The following CDKL3 variants were observed in gnomAD, a reference collection of about 807,000 sequenced individuals.
CDKL3 encodes cyclin dependent kinase like 3.
CDKL3 carries 65 observed loss-of-function variants against 69.3 expected under a neutral mutation model. The ratio of observed to expected loss-of-function variants is 0.94; its 90% CI spans 0.77 to 1.15. The LOEUF is 1.15. Ranked by LOEUF, CDKL3 falls within the 50% of genes most tolerant of loss-of-function variation. The pLI is 0.00. For missense variants in CDKL3, 652 were observed against 689.2 expected (o/e 0.95, Z 0.61); for synonymous variants, 202 against 221.6 (o/e 0.91, Z 0.79).
intron 4 of CDKL3, among the ~76,000 whole-genome samples, chr5:134,348,665 C>T (rs1219393310): frequency 6.6e-6 from 1 of 151,832 alleles, no homozygotes; most frequent in Non-Finnish European, 1.5e-5. Flanking sequence ...AAGATGTCAA[C>T]TAGGATTGGG....
chr5:134,335,366 T>C (rs575808414), intron 4 of CDKL3, among the ~76,000 whole-genome samples: 1 of 152,326 alleles, frequency 6.6e-6, no homozygotes, highest in African/African-American at 2.4e-5. Flanking sequence ...TCTGTCATTA[T>C]GATGCTAGCT....
intron 3 of CDKL3, among the ~76,000 whole-genome samples, chr5:134,355,235 GAA>G (rs60153337): frequency 5.1e-4 from 38 of 74,460 alleles, no homozygotes; most frequent in African/African-American, 6.6e-4. Flanking sequence ...TCTGTCTCAG[GAA>G]AAAAAAAAAA....
intron 7 of CDKL3, among the ~76,000 whole-genome samples, chr5:134,309,229 T>G (rs1382892857): frequency 6.6e-6 from 1 of 152,112 alleles, no homozygotes; most frequent in Non-Finnish European, 1.5e-5. Flanking sequence ...ATTACAGGCA[T>G]GTGCCACCAC....
chr5:134,359,874 T>C (rs772242311), intron 3 of CDKL3, 23 bp downstream of exon 3: 4 of 1,474,524 alleles, frequency 2.7e-6, no homozygotes, highest in East Asian at 2.4e-5. Context: ...ATCCTACAAA[T>C]TGGCTTATTC....
At chr5:134,329,957 G>A (rs1775363134) in intron 4 of CDKL3, among the ~76,000 whole-genome samples, 2 of 151,038 alleles carry the variant, frequency 1.3e-5, no homozygotes, top group South Asian at 2.1e-4. Flanking sequence ...TTGCAGTGAG[G>A]TGAGATCGCG....
chr5:134,312,480 G>A, intron 6 of CDKL3, 100 bp from the exon 7 acceptor site: 2 of 637,072 alleles, frequency 3.1e-6, no homozygotes, highest in South Asian at 4.6e-5. Context: ...TAATTATCCA[G>A]ATCAAAAAGC....
upstream of CDKL3, chr5:134,371,290 A>C: frequency 2.4e-5 from 12 of 497,836 alleles, no homozygotes; most frequent in East Asian, 7.7e-5. Flanking sequence ...AACACAGAGA[A>C]CACAAATTTG....
intron 7 of CDKL3, 148 bp from the exon 8 acceptor site, chr5:134,308,875 CA>C (rs750546910): frequency 7.5e-5 from 53 of 705,232 alleles, no homozygotes; most frequent in Admixed American, 1.5e-4. Context: ...GATGGCCCAA[CA>C]TTTACCTAAT....
At chr5:134,365,227 C>G (rs1757123307) in intron 2 of CDKL3, among the ~76,000 whole-genome samples, 1 of 152,012 alleles carries the variant, frequency 6.6e-6, no homozygotes, top group South Asian at 2.1e-4. Flanking sequence ...TCGTGATCCA[C>G]CCGCCTCAGC....
At chr5:134,368,145 C>T (rs970602939), upstream of CDKL3, among the ~76,000 whole-genome samples, 35 of 152,308 alleles carry the variant, frequency 2.3e-4, no homozygotes, top group African/African-American at 7.9e-4. Context: ...CATCCCAACC[C>T]CCACCTCCAC....
At chr5:134,328,409 G>T (rs186632857) in intron 4 of CDKL3, among the ~76,000 whole-genome samples, 1 of 152,054 alleles carries the variant, frequency 6.6e-6, no homozygotes, top group Non-Finnish European at 1.5e-5. Flanking sequence ...AAAAATTCAC[G>T]AGAGGAAATC....
intron 6 of CDKL3, among the ~76,000 whole-genome samples, chr5:134,317,135 T>A (rs1234917152): frequency 6.6e-6 from 1 of 152,046 alleles, no homozygotes; most frequent in Admixed American, 6.6e-5. Flanking sequence ...AACTTATGCT[T>A]TTATTTTTAT....
chr5:134,332,389 A>G (rs953375345), intron 4 of CDKL3, among the ~76,000 whole-genome samples: 31 of 151,996 alleles, frequency 2.0e-4, no homozygotes, highest in African/African-American at 7.3e-4. Flanking sequence ...CCTGAATGGT[A>G]TTGCCTAGGT....
At chr5:134,334,578 G>C (rs866406805) in intron 4 of CDKL3, among the ~76,000 whole-genome samples, 13 of 152,254 alleles carry the variant, frequency 8.5e-5, no homozygotes, top group Middle Eastern at 3.4e-3. Context: ...TTACCCAGTA[G>C]TCATTCAGGA....
At chr5:134,346,483 T>G (rs1751900927) in intron 4 of CDKL3, among the ~76,000 whole-genome samples, 1 of 152,190 alleles carries the variant, frequency 6.6e-6, no homozygotes. Context: ...TTGTTACAGG[T>G]AGGGAAAAGG....
intron 2 of CDKL3, among the ~76,000 whole-genome samples, chr5:134,364,895 C>T (rs1341090704): frequency 6.6e-6 from 1 of 151,936 alleles, no homozygotes; most frequent in Non-Finnish European, 1.5e-5. Context: ...CAACCTCCAC[C>T]TTCTGGGTTT....
At chr5:134,349,455 A>C (rs1752714988) in intron 4 of CDKL3, among the ~76,000 whole-genome samples, 1 of 152,162 alleles carries the variant, frequency 6.6e-6, no homozygotes, top group African/African-American at 2.4e-5. Context: ...ACGCCTGGCT[A>C]AATTTTGCAC....
At position 134,358,538 on chromosome 5, in the gene CDKL3, T is replaced by TC. The variant is rs397753804; in HGVS notation, c.360+1358dup. Among the ~76,000 whole-genome samples the TC allele has an allele frequency of 2.6e-5, 4 of 152,118 alleles. No homozygotes were observed. In the East Asian group the frequency reaches 5.8e-4, roughly 22 times the overall value. ...AGCTTTCTTTTCTTTTCCTTTTTTTTCTTTTCTTTCCTTAACACAACTATT... is the reference window on the plus strand; with the variant it reads ...AGCTTTCTTTTCTTTTCCTTTTTTTTCCTTTTCTTTCCTTAACACAACTATT... On this transcript the variant is annotated intron_variant, in intron 3 of 12. Transcript: ENST00000265334.
chr5:134,317,296 C>T (rs1195090972), intron 6 of CDKL3, among the ~76,000 whole-genome samples: 8 of 151,880 alleles, frequency 5.3e-5, no homozygotes, highest in South Asian at 4.2e-4. Context: ...CCACCACGCC[C>T]GGCTAATTTT....
Sources: allele counts gnomAD v4.1 joint callset (sites outside exome capture counted in the v4.1 genomes callset), GRCh38; gene constraint gnomAD v4.1.1; transcripts MANE v1.5; gene names NCBI Gene and HGNC (gene_info 2026-07-23, HGNC 2026-07-21).